RPGRIP1: variants seen among roughly 807,000 people sequenced by gnomAD.
RPGRIP1 encodes the protein X-linked retinitis pigmentosa GTPase regulator-interacting protein 1.
Under a neutral mutation model 157.9 loss-of-function variants are expected in RPGRIP1, and 128 were observed. The observed-to-expected ratio is 0.81, with a 90% CI of 0.70 to 0.94. The LOEUF (loss-of-function observed/expected upper bound fraction) is 0.94, where lower values mean the gene tolerates loss of function less well. RPGRIP1 is among the 40% of genes least tolerant of loss of function. The pLI is 0.00. For missense variants in RPGRIP1, 1,486 were observed against 1,545.8 expected (o/e 0.96, Z 0.65); for synonymous variants, 554 against 571.6 (o/e 0.97, Z 0.44).
chr14:21,301,028 C>A lies in RPGRIP1; in HGVS notation c.281C>A (p.Ala94Glu). The A allele has an allele frequency of 6.2e-7, 1 of 1,612,376 alleles. No individual in the cohort carries two copies. Among genetic ancestry groups the A allele is most frequent in the Non-Finnish European group, 8.5e-7 (1 of 1,179,342 alleles). The change falls in exon 4 of 25, where the codon GCG becomes GAG. Residue 94 changes from alanine (A) to glutamate (E), a missense_variant. Transcript: ENST00000400017. ...AGRDLRVAEE[A>E]APLSETARRG... ...CGGGACCTGCGGGTCGCGGAGGAGG[C>A]GGCGCCGCTCTCGGAGACCGCAAGG...
intron 3 of RPGRIP1, among the ~76,000 whole-genome samples, chr14:21,296,141 G>A (rs1264118735): frequency 1.5e-4 from 22 of 145,342 alleles, no homozygotes; most frequent in Admixed American, 1.3e-3. Flanking sequence ...TCCATCTGTC[G>A]CCCAGGCTGG....
intron 6 of RPGRIP1, among the ~76,000 whole-genome samples, chr14:21,305,026 T>G (rs1241482646): frequency 3.9e-5 from 6 of 152,170 alleles, no homozygotes; most frequent in Admixed American, 1.3e-4. Context: ...ATGGTCTCGA[T>G]CTCCTGACCT....
At chr14:21,281,171 C>T (rs918236065) in intron 1 of RPGRIP1, among the ~76,000 whole-genome samples, 1 of 151,880 alleles carries the variant, frequency 6.6e-6, no homozygotes, top group African/African-American at 2.4e-5. Flanking sequence ...GTGCGCACCA[C>T]CATGCCCAGC....
chr14:21,304,040 C>T (rs1416137459), intron 6 of RPGRIP1, among the ~76,000 whole-genome samples: 1 of 150,394 alleles, frequency 6.6e-6, no homozygotes, highest in African/African-American at 2.4e-5. Context: ...CTTCTGGGCG[C>T]AGTGGCTCAC....
intron 24 of RPGRIP1, among the ~76,000 whole-genome samples, chr14:21,349,033 T>C (rs1885866918): frequency 6.6e-6 from 1 of 151,088 alleles, no homozygotes; most frequent in African/African-American, 2.4e-5. Context: ...TCTTATCCAT[T>C]CTACTTGTGA....
At chr14:21,318,272 A>ATTT in intron 11 of RPGRIP1, 2 of 323,308 alleles carry the variant, frequency 6.2e-6, no homozygotes, top group East Asian at 8.9e-5. Flanking sequence ...ACGCCTGGCT[A>ATTT]TTTTTTTTTT....
rs779121574 is a variant in RPGRIP1 at position 21,324,711 on chromosome 14, C to T, written c.1856C>T (p.Ser619Phe). The part of the protein sequence containing the change: ...AHGDEDKVDI[S>F]LLHQGENLFE... ...GGAGATGAGGATAAAGTGGATATTTCTCTGCTGCATCAGGGTGAGAATCTT... is the reference window on the plus strand; with the variant it reads ...GGAGATGAGGATAAAGTGGATATTTTTCTGCTGCATCAGGGTGAGAATCTT... Residue 619 changes from serine (S) to phenylalanine (F), a missense_variant, in exon 15 of 25, where the codon TCT (serine) becomes TTT (phenylalanine). Coordinates refer to ENST00000400017, the MANE Select transcript of RPGRIP1 (RefSeq NM_020366.4). 4.3e-6 allele frequency: 7 copies of T among 1,613,918 alleles called. No homozygotes were observed. The highest frequency in any genetic ancestry group is 1.6e-4 in the Middle Eastern group (1 of 6,084).
At chr14:21,287,213 C>A (rs10146338) in intron 1 of RPGRIP1, among the ~76,000 whole-genome samples, 3,661 of 152,284 alleles carry the variant, frequency 0.024, 143 homozygotes, top group African/African-American at 0.083. Context: ...GTTTTGCCAA[C>A]ATGGCAAAAC....
intron 1 of RPGRIP1, among the ~76,000 whole-genome samples, chr14:21,285,903 G>T (rs1880281325): frequency 6.6e-6 from 1 of 151,976 alleles, no homozygotes; most frequent in African/African-American, 2.4e-5. Flanking sequence ...GAGGAAAATG[G>T]GGAGAGCATT....
At position 21,341,778 on chromosome 14, in the gene RPGRIP1, A is replaced by G. The variant is rs1594262074; in HGVS notation, c.3340-1258A>G. Among the ~76,000 whole-genome samples, 2 of 152,066 alleles carry G rather than the reference A, an allele frequency of 1.3e-5. 1 individual carries two copies. The highest frequency in any genetic ancestry group is 1.3e-4 in the Admixed American group (2 of 15,248). On this transcript the variant is annotated intron_variant, in intron 21 of 24. Transcript: ENST00000400017. Reference sequence around the variant, plus strand: ...ATTGAAAATATTGGAGTTCCTGGCCAGGCGCGGCGGCTCACGACTGTAATC... The same window carrying G: ...ATTGAAAATATTGGAGTTCCTGGCCGGGCGCGGCGGCTCACGACTGTAATC...
chr14:21,317,390 A>G (rs1274051214), intron 10 of RPGRIP1: 3 of 561,146 alleles, frequency 5.3e-6, no homozygotes, highest in Non-Finnish European at 9.3e-6. Context: ...AGGTCTTGAT[A>G]CATAGTTCCC....
chr14:21,321,699 T>C (rs1442514520), intron 13 of RPGRIP1, among the ~76,000 whole-genome samples, 155 bp from the exon 14 acceptor site: 1 of 152,162 alleles, frequency 6.6e-6, no homozygotes, highest in Non-Finnish European at 1.5e-5. Flanking sequence ...ACAACTAGTC[T>C]TGGAGGGGTC....
At chr14:21,347,137 T>G (rs993106322) in intron 23 of RPGRIP1, among the ~76,000 whole-genome samples, 1 of 152,246 alleles carries the variant, frequency 6.6e-6, no homozygotes, top group African/African-American at 2.4e-5. Context: ...TTCTACTCAA[T>G]TTTAGATTCG....
chr14:21,325,491 A>G (rs1401518845), intron 16 of RPGRIP1, 108 bp downstream of exon 16: 3 of 1,092,814 alleles, frequency 2.7e-6, no homozygotes, highest in East Asian at 5.2e-5. Flanking sequence ...TGTGAATGAA[A>G]GAGAAAACTG....
chr14:21,301,387 T>G, intron 4 of RPGRIP1, 150 bp downstream of exon 4: 1 of 892,068 alleles, frequency 1.1e-6, no homozygotes, highest in Non-Finnish European at 1.7e-6. Flanking sequence ...AAAATCTTTA[T>G]TTCCTGAGTT....
At position 21,351,261 on chromosome 14, in the gene RPGRIP1, AG is replaced by A. The variant is rs1886260660; in HGVS notation, c.*46del. The A allele has an allele frequency of 8.2e-7, 1 of 1,221,498 alleles. No individual in the cohort carries two copies. Among genetic ancestry groups the A allele is most frequent in the African/African-American group, 1.5e-5 (1 of 66,934 alleles). 75.7% of individuals were successfully genotyped at this position (1,221,498 alleles called of 1,614,324 possible). A position where few individuals can be genotyped will look rare whatever the true frequency, so the allele number is the denominator to read the frequency against. ...ATCTAAAAGTCTCTGAGGGAACCATAGTAAAAAGTCTCTTATAAAGTTAGCT... is the reference window on the plus strand; with the variant it reads ...ATCTAAAAGTCTCTGAGGGAACCATATAAAAAGTCTCTTATAAAGTTAGCT... On this transcript the variant is annotated 3_prime_UTR_variant, in exon 25 of 25. Coordinates refer to ENST00000400017, the MANE Select transcript of RPGRIP1 (RefSeq NM_020366.4).
chr14:21,296,188 G>A (rs1458070682), intron 3 of RPGRIP1, among the ~76,000 whole-genome samples: 5 of 150,254 alleles, frequency 3.3e-5, no homozygotes, highest in Non-Finnish European at 7.4e-5. Flanking sequence ...TGCAACTTCC[G>A]CCTCCCGGAT....
At chr14:21,298,286 G>A (rs1312046256) in intron 3 of RPGRIP1, among the ~76,000 whole-genome samples, 1 of 151,938 alleles carries the variant, frequency 6.6e-6, no homozygotes, top group Non-Finnish European at 1.5e-5. Flanking sequence ...ATCACCTGAG[G>A]TCAGGAGTTC....
intron 21 of RPGRIP1, among the ~76,000 whole-genome samples, chr14:21,335,305 C>T (rs78059224): frequency 1.3e-5 from 2 of 152,034 alleles, no homozygotes; most frequent in Non-Finnish European, 2.9e-5. Context: ...CCATTGTGTC[C>T]TGTAATTCAT....
Sources: allele counts gnomAD v4.1 joint callset (sites outside exome capture counted in the v4.1 genomes callset), GRCh38; gene constraint gnomAD v4.1.1; transcripts MANE v1.5; gene names NCBI Gene and HGNC (gene_info 2026-07-23, HGNC 2026-07-21).